Variants in PTPRM observed in about 807,000 individuals in gnomAD.
PTPRM encodes the protein receptor-type tyrosine-protein phosphatase mu.
A neutral mutation model predicts 186.7 loss-of-function variants in PTPRM; 47 were observed. The ratio of observed to expected loss-of-function variants is 0.25; its 90% CI spans 0.20 to 0.32. The LOEUF is 0.32. Ranked by LOEUF, PTPRM falls within the 10% of genes least tolerant of loss-of-function variation. The probability of loss-of-function intolerance (pLI) is 1.00; values close to 1 mark genes in which losing one functional copy is unlikely to be tolerated. For missense variants in PTPRM, 1,494 were observed against 1,865.0 expected (o/e 0.80, Z 3.66); for synonymous variants, 668 against 674.9 (o/e 0.99, Z 0.16).
intron 14 of PTPRM, among the ~76,000 whole-genome samples, chr18:8,151,559 G>A (rs1158483256): frequency 7.0e-6 from 1 of 143,400 alleles, no homozygotes; most frequent in Middle Eastern, 3.5e-3. Context: ...TCAAGCCAAT[G>A]GATCTAAGTT....
At chr18:8,177,244 G>A (rs2093498488) in intron 14 of PTPRM, among the ~76,000 whole-genome samples, 1 of 152,178 alleles carries the variant, frequency 6.6e-6, no homozygotes, top group Admixed American at 6.5e-5. Context: ...AGTTTCTTTA[G>A]TAATTCTTTG....
At chr18:7,606,849 C>T (rs539378492) in intron 1 of PTPRM, among the ~76,000 whole-genome samples, 12 of 152,238 alleles carry the variant, frequency 7.9e-5, no homozygotes, top group African/African-American at 2.4e-4. Context: ...GAGGAAGCTC[C>T]GTTGTTACTT....
At chr18:7,960,480 T>TATATATATATATATATACAC (rs1300573371) in intron 7 of PTPRM, among the ~76,000 whole-genome samples, 112 of 86,524 alleles carry the variant, frequency 1.3e-3, no homozygotes, top group African/African-American at 4.6e-3. Context: ...TATATATATA[T>TATATATATATATATATACAC]ACACACACAC....
chr18:8,107,776 A>G (rs1301600878), intron 11 of PTPRM, among the ~76,000 whole-genome samples: 2 of 152,218 alleles, frequency 1.3e-5, no homozygotes, highest in Non-Finnish European at 1.5e-5. Context: ...TGTGTTACCC[A>G]TTGCCAATTG....
intron 1 of PTPRM, among the ~76,000 whole-genome samples, chr18:7,715,461 C>T (rs1217518049): frequency 2.0e-5 from 3 of 152,174 alleles, no homozygotes; most frequent in African/African-American, 7.2e-5. Flanking sequence ...CAAGAATGCC[C>T]TCTCTCACCA....
intron 26 of PTPRM, 23 bp downstream of exon 26, chr18:8,376,620 C>G: frequency 6.2e-7 from 1 of 1,602,126 alleles, no homozygotes; most frequent in Non-Finnish European, 8.5e-7. Context: ...ATCACCTAGC[C>G]TGGGGCCTTG....
intron 1 of PTPRM, among the ~76,000 whole-genome samples, chr18:7,717,482 A>T (rs1456578613): frequency 1.3e-5 from 2 of 152,176 alleles, no homozygotes; most frequent in East Asian, 1.9e-4. Context: ...GCCCACAGTT[A>T]CCATGCTTCA....
Position 7,567,889 on chromosome 18 carries a change from C to T in PTPRM, c.71C>T (p.Ser24Leu). The change falls in exon 1 of 33, where the codon TCA becomes TTA. Residue 24 changes from serine to leucine, a missense_variant and splice_region_variant. Coordinates refer to ENST00000580170, the MANE Select transcript of PTPRM (RefSeq NM_001105244.2). The surrounding 1 kb of genome is among the most constrained non-coding windows in gnomAD (Gnocchi z 4.3). ...CTAACTGCGGCGGGCGAGACGTTCT[C>T]AGGTAAGCGGGACCGCCTCTGCCGC... ...LLLTAAGETF[S>L]GGCLFDEPYS... is the part of the protein sequence containing the mutation. 6.4e-7 allele frequency: 1 copy of T among 1,554,884 alleles called. No individual in the cohort carries two copies. The highest frequency in any genetic ancestry group is 8.6e-7 in the Non-Finnish European group (1 of 1,156,262).
chr18:8,228,228 C>T (rs1037229277), intron 14 of PTPRM, among the ~76,000 whole-genome samples: 5 of 151,972 alleles, frequency 3.3e-5, no homozygotes, highest in African/African-American at 7.3e-5. Flanking sequence ...GCTGAAGACA[C>T]GGTGGAACTG....
chr18:7,978,541 T>G (rs1220763202), intron 7 of PTPRM, among the ~76,000 whole-genome samples: 1 of 152,252 alleles, frequency 6.6e-6, no homozygotes, highest in Non-Finnish European at 1.5e-5. Flanking sequence ...AATTATTTTG[T>G]CTGCAAGTAA....
intron 4 of PTPRM, among the ~76,000 whole-genome samples, chr18:7,907,546 G>A (rs138877591): frequency 4.0e-3 from 615 of 152,294 alleles, no homozygotes; most frequent in African/African-American, 0.014. Flanking sequence ...GACATTCTGC[G>A]CTGATTTGGG....
chr18:7,912,478 T>A (rs1011357353), intron 4 of PTPRM, among the ~76,000 whole-genome samples: 3 of 152,114 alleles, frequency 2.0e-5, no homozygotes, highest in Non-Finnish European at 2.9e-5. Flanking sequence ...GTTTGTTCTT[T>A]TCTCATTATT....
intron 1 of PTPRM, among the ~76,000 whole-genome samples, chr18:7,696,256 A>G (rs964410768): frequency 3.3e-5 from 5 of 152,214 alleles, no homozygotes; most frequent in Non-Finnish European, 2.9e-5. Flanking sequence ...TAATAAGATC[A>G]TAGGAAATCT....
At chr18:8,080,734 A>G (rs1473537795) in intron 9 of PTPRM, among the ~76,000 whole-genome samples, 1 of 152,166 alleles carries the variant, frequency 6.6e-6, no homozygotes, top group Non-Finnish European at 1.5e-5. Flanking sequence ...TCAATACTCA[A>G]GGGCTTCTGT....
At chr18:8,203,861 A>G (rs1217382868) in intron 14 of PTPRM, among the ~76,000 whole-genome samples, 2 of 152,214 alleles carry the variant, frequency 1.3e-5, no homozygotes, top group African/African-American at 4.8e-5. Flanking sequence ...TCCTACTAAT[A>G]AATAAAATAT....
intron 2 of PTPRM, among the ~76,000 whole-genome samples, chr18:7,868,466 T>A (rs1240072673): frequency 1.3e-5 from 2 of 152,246 alleles, no homozygotes; most frequent in East Asian, 3.8e-4. Flanking sequence ...CTGCTGCAGG[T>A]CTGCTGGAGT....
At chr18:8,053,218 C>T (rs901119139) in intron 7 of PTPRM, among the ~76,000 whole-genome samples, 4 of 152,044 alleles carry the variant, frequency 2.6e-5, no homozygotes, top group African/African-American at 9.7e-5. Flanking sequence ...TTTCACTTTC[C>T]TTATGATACA....
At chr18:7,642,793 A>G (rs1029556853) in intron 1 of PTPRM, among the ~76,000 whole-genome samples, 30 of 151,128 alleles carry the variant, frequency 2.0e-4, no homozygotes, top group Admixed American at 1.3e-3. Context: ...GGCCACATCA[A>G]CCTGAATGTA....
chr18:8,367,309 C>T (rs1351196108), intron 23 of PTPRM, among the ~76,000 whole-genome samples: 1 of 152,206 alleles, frequency 6.6e-6, no homozygotes, highest in Non-Finnish European at 1.5e-5. Context: ...CTGTTCTGGG[C>T]CCGCCCCGCC....
Sources: allele counts gnomAD v4.1 joint callset (sites outside exome capture counted in the v4.1 genomes callset), GRCh38; gene constraint gnomAD v4.1.1; non-coding constraint Gnocchi (gnomAD v3.1); transcripts MANE v1.5; gene names NCBI Gene and HGNC (gene_info 2026-07-23, HGNC 2026-07-21).